Variants in CARMIL1 observed in about 807,000 individuals in gnomAD.
CARMIL1 encodes F-actin-uncapping protein LRRC16A.
Under a neutral mutation model 177.1 loss-of-function variants are expected in CARMIL1, and 90 were observed. That is an observed-to-expected ratio of 0.51 (90% CI 0.43 to 0.61). The LOEUF is 0.61. Ranked by LOEUF, CARMIL1 falls within the 20% of genes least tolerant of loss-of-function variation. The pLI is 0.00. For synonymous variants in CARMIL1, 577 were observed against 606.2 expected, an observed-to-expected ratio of 0.95 and a Z score of 0.71; for missense variants, 1,380 against 1,667.0, an observed-to-expected ratio of 0.83 and a Z score of 3.00.
chr6:25,413,054 G>A (rs976697239), intron 2 of CARMIL1, among the ~76,000 whole-genome samples: 2 of 152,134 alleles, frequency 1.3e-5, no homozygotes, highest in Non-Finnish European at 2.9e-5. Context: ...TTCTCCTTCA[G>A]TTTTCTGGGT....
At chr6:25,513,678 T>C (rs943002258) in intron 20 of CARMIL1, among the ~76,000 whole-genome samples, 4 of 152,162 alleles carry the variant, frequency 2.6e-5, no homozygotes, top group Admixed American at 2.6e-4. Flanking sequence ...CAATGTTAAG[T>C]GTTTGAGTAG....
intron 2 of CARMIL1, among the ~76,000 whole-genome samples, chr6:25,302,290 A>G (rs188628689): frequency 6.6e-6 from 1 of 152,320 alleles, no homozygotes; most frequent in Admixed American, 6.5e-5. Context: ...GAGGGGAATG[A>G]GTGAAGATAC....
At chr6:25,293,524 A>T (rs1782153066) in intron 2 of CARMIL1, among the ~76,000 whole-genome samples, 1 of 151,604 alleles carries the variant, frequency 6.6e-6, no homozygotes, top group Non-Finnish European at 1.5e-5. Flanking sequence ...AGCTGGGACT[A>T]CAATCACATG....
chr6:25,340,388 A>C (rs1014615219), intron 2 of CARMIL1, among the ~76,000 whole-genome samples: 3 of 152,244 alleles, frequency 2.0e-5, no homozygotes, highest in Admixed American at 6.5e-5. Flanking sequence ...TGAGTGTAGA[A>C]TATTCCTTAT....
chr6:25,305,148 T>G (rs1196274761), intron 2 of CARMIL1, among the ~76,000 whole-genome samples: 1 of 151,858 alleles, frequency 6.6e-6, no homozygotes, highest in Non-Finnish European at 1.5e-5. Flanking sequence ...GCTTGTCTCT[T>G]TGGGGGCAGA....
chr6:25,318,040 A>G (rs1784410782), intron 2 of CARMIL1, among the ~76,000 whole-genome samples: 1 of 152,116 alleles, frequency 6.6e-6, no homozygotes, highest in South Asian at 2.1e-4. Flanking sequence ...TATGAACTTG[A>G]CCTTGTGTGA....
intron 8 of CARMIL1, among the ~76,000 whole-genome samples, chr6:25,459,269 T>TCTTTCTTTCTTTCTTTCTTTC (rs56094712): frequency 2.1e-3 from 247 of 117,954 alleles, no homozygotes; most frequent in East Asian, 4.4e-3. Flanking sequence ...TTTCTTTCTT[T>TCTTTCTTTCTTTCTTTCTTTC]TTTTTTTTTT....
At chr6:25,459,277 T>TCTTCCTTTCTTCCTTTCTTCC (rs1450322009) in intron 8 of CARMIL1, among the ~76,000 whole-genome samples, 1 of 139,594 alleles carries the variant, frequency 7.2e-6, no homozygotes, top group Non-Finnish European at 1.6e-5. Context: ...TTTTTTTTTT[T>TCTTCCTTTCTTCCTTTCTTCC]TTTAAGACAG....
At chr6:25,593,447 C>T (rs1814514841) in intron 31 of CARMIL1, among the ~76,000 whole-genome samples, 1 of 152,226 alleles carries the variant, frequency 6.6e-6, no homozygotes, top group Non-Finnish European at 1.5e-5. Flanking sequence ...AGGCTCAAGG[C>T]TGTTCCTTAT....
intron 2 of CARMIL1, among the ~76,000 whole-genome samples, chr6:25,398,435 T>A (rs1198029586): frequency 6.6e-6 from 1 of 152,234 alleles, no homozygotes; most frequent in Non-Finnish European, 1.5e-5. Flanking sequence ...GTCATGAGTG[T>A]CCTTAATTCT....
intron 26 of CARMIL1, among the ~76,000 whole-genome samples, chr6:25,544,589 A>G (rs1236834392): frequency 6.8e-6 from 1 of 147,294 alleles, no homozygotes; most frequent in East Asian, 2.0e-4. Context: ...AACTGAGATC[A>G]TTTACTGTTA....
intron 29 of CARMIL1, among the ~76,000 whole-genome samples, chr6:25,567,861 A>G (rs1811691429): frequency 6.6e-6 from 1 of 152,242 alleles, no homozygotes; most frequent in Non-Finnish European, 1.5e-5. Flanking sequence ...GGATGAGTTA[A>G]GCTTCATTCT....
At chr6:25,453,836 G>A (rs1430852591) in intron 8 of CARMIL1, among the ~76,000 whole-genome samples, 1 of 152,102 alleles carries the variant, frequency 6.6e-6, no homozygotes, top group Non-Finnish European at 1.5e-5. Flanking sequence ...CTGGCCTACG[G>A]GAGTGAAGAC....
intron 35 of CARMIL1, 67 bp from the exon 36 acceptor site, chr6:25,609,983 A>G (rs553274084): frequency 6.9e-7 from 1 of 1,445,808 alleles, no homozygotes; most frequent in African/African-American, 1.4e-5. Context: ...ATATAGATTT[A>G]CCAGGCTTTA....
At chr6:25,332,742 TACACACAC>T (rs35133749) in intron 2 of CARMIL1, among the ~76,000 whole-genome samples, 9 of 140,086 alleles carry the variant, frequency 6.4e-5, no homozygotes, top group African/African-American at 1.4e-4. Context: ...CAAACATGCA[TACACACAC>T]ACACACACAC....
intron 2 of CARMIL1, among the ~76,000 whole-genome samples, chr6:25,291,269 T>C (rs1470128844): frequency 6.6e-6 from 1 of 152,182 alleles, no homozygotes; most frequent in African/African-American, 2.4e-5. Flanking sequence ...AATATTTTGG[T>C]GGCAGTGCTG....
intron 4 of CARMIL1, 84 bp downstream of exon 4, chr6:25,426,644 A>C (rs1024472550): frequency 4.7e-6 from 6 of 1,281,532 alleles, no homozygotes; most frequent in Non-Finnish European, 4.4e-6. Context: ...GACAATGTGG[A>C]TAAACAAGGT....
At chr6:25,350,293 T>G (rs1439196058) in intron 2 of CARMIL1, among the ~76,000 whole-genome samples, 2 of 152,236 alleles carry the variant, frequency 1.3e-5, no homozygotes, top group African/African-American at 4.8e-5. Context: ...GGGGCTGCAT[T>G]TGCTTTGTAG....
intron 17 of CARMIL1, among the ~76,000 whole-genome samples, 174 bp downstream of exon 17, chr6:25,500,409 G>A (rs1459518467): frequency 6.6e-6 from 1 of 152,204 alleles, no homozygotes; most frequent in African/African-American, 2.4e-5. Context: ...GACAGCCACA[G>A]AACATCATTT....
Sources: allele counts gnomAD v4.1 joint callset (sites outside exome capture counted in the v4.1 genomes callset), GRCh38; gene constraint gnomAD v4.1.1; transcripts MANE v1.5; gene names NCBI Gene and HGNC (gene_info 2026-07-23, HGNC 2026-07-21).